The following AOX1 variants were observed in gnomAD, a reference collection of about 807,000 sequenced individuals.
AOX1 encodes aldehyde oxidase 1.
A neutral mutation model predicts 169.5 loss-of-function variants in AOX1; 153 were observed. The ratio of observed to expected loss-of-function variants is 0.90; its 90% CI spans 0.79 to 1.03. The LOEUF is 1.03. Ranked by LOEUF, AOX1 falls within the 50% of genes least tolerant of loss-of-function variation. The probability of loss-of-function intolerance (pLI) is 0.00; values close to 1 mark genes in which losing one functional copy is unlikely to be tolerated. For missense variants in AOX1, 1,656 were observed against 1,663.9 expected (o/e 1.00, Z 0.08); for synonymous variants, 562 against 581.9 (o/e 0.97, Z 0.49).
At chr2:200,649,574 G>C (rs2035537795) in intron 25 of AOX1, among the ~76,000 whole-genome samples, 1 of 152,154 alleles carries the variant, frequency 6.6e-6, no homozygotes, top group Non-Finnish European at 1.5e-5. Context: ...TCCACAAGCT[G>C]CTCTGTCCAG....
chr2:200,634,270 C>CAAA (rs1219543872), intron 20 of AOX1, among the ~76,000 whole-genome samples: 1 of 138,388 alleles, frequency 7.2e-6, no homozygotes, highest in African/African-American at 2.7e-5. Flanking sequence ...ACAACAACAA[C>CAAA]AAAAAAACCC....
chr2:200,609,796 G>A (rs767016693), intron 12 of AOX1, among the ~76,000 whole-genome samples: 1 of 152,146 alleles, frequency 6.6e-6, no homozygotes, highest in Non-Finnish European at 1.5e-5. Context: ...CGTGCTTTGA[G>A]CTCACACTTA....
chr2:200,656,762 C>A, intron 26 of AOX1, 80 bp from the exon 27 acceptor site: 13 of 1,076,926 alleles, frequency 1.2e-5, no homozygotes, highest in Admixed American at 5.4e-5. Context: ...GGAAATATTT[C>A]CAAGGAAAAT....
rs1184802924 is a variant in AOX1, at chr2:200,670,624, T to C, written c.3967-5T>C. On this transcript the variant is annotated splice_region_variant and splice_polypyrimidine_tract_variant and intron_variant, in intron 34 of 34. Transcript: ENST00000374700. Reference sequence around the variant, plus strand: ...TTTGAACATCCAGATTTGTTTTTATTTTAGATTCCGAGAGATGAACCTGGA... The same window carrying C: ...TTTGAACATCCAGATTTGTTTTTATCTTAGATTCCGAGAGATGAACCTGGA... 1 of 1,611,288 alleles carries C rather than the reference T, an allele frequency of 6.2e-7. No homozygotes were observed.
downstream of AOX1, chr2:200,677,159 C>A: frequency 3.0e-6 from 1 of 330,968 alleles, no homozygotes; most frequent in Non-Finnish European, 5.9e-6. Context: ...GTGACTGTGA[C>A]AAACCTATAA....
chr2:200,619,355 A>G (rs961226481), intron 16 of AOX1, among the ~76,000 whole-genome samples: 2 of 152,278 alleles, frequency 1.3e-5, no homozygotes, highest in Middle Eastern at 3.4e-3. Flanking sequence ...CCTGGCCAAC[A>G]TGACTGCATG....
At chr2:200,607,224 C>G (rs182680398) in intron 10 of AOX1, among the ~76,000 whole-genome samples, 5 of 152,298 alleles carry the variant, frequency 3.3e-5, no homozygotes, top group African/African-American at 1.2e-4. Flanking sequence ...GCCTTTTCTG[C>G]ATCTATAGAG....
At position 200,611,308 on chromosome 2, in the gene AOX1, GAATT is replaced by G. The variant is rs1327023407; in HGVS notation, c.1154-74_1154-71del. 4 of 1,005,794 alleles carry G rather than the reference GAATT, an allele frequency of 4.0e-6. No individual in the cohort carries two copies. In the East Asian group the frequency reaches 9.5e-5, roughly 24 times the overall value. The allele number at this position is 1,005,794 out of a possible 1,614,324, so 62.3% of individuals were successfully genotyped here. A position where few individuals can be genotyped will look rare whatever the true frequency, so the allele number is the denominator to read the frequency against. ...AACCGGTTTCCTCAGGTATTTGGTA[GAATT>G]ACTTCCTAAGTTTTGGAAGTTTATT... On this transcript the variant is annotated intron_variant, in intron 12 of 34. Coordinates refer to ENST00000374700, the MANE Select transcript of AOX1 (RefSeq NM_001159.4).
intron 19 of AOX1, among the ~76,000 whole-genome samples, chr2:200,626,988 T>G (rs2035018823): frequency 6.6e-6 from 1 of 152,224 alleles, no homozygotes; most frequent in African/African-American, 2.4e-5. Context: ...CAATGCTGAC[T>G]GGGTCTAGAG....
rs947092611 is a variant in AOX1, at chr2:200,586,075, C to T, written c.-34C>T. 10 of 1,548,734 alleles carry T rather than the reference C, an allele frequency of 6.5e-6. No homozygotes were observed. Among genetic ancestry groups the T allele is most frequent in the Non-Finnish European group, 8.7e-6 (10 of 1,147,320 alleles). On this transcript the variant is annotated 5_prime_UTR_variant, in exon 1 of 35. Coordinates refer to ENST00000374700, the MANE Select transcript of AOX1 (RefSeq NM_001159.4). Reference sequence around the variant, plus strand: ...GCTACTTCCCAGAACCTCCGCCTCCCGCTCCGGGCCCTCGAACCAGCGCGG... The same window carrying T: ...GCTACTTCCCAGAACCTCCGCCTCCTGCTCCGGGCCCTCGAACCAGCGCGG...
intron 5 of AOX1, among the ~76,000 whole-genome samples, chr2:200,600,976 A>C (rs1030996892): frequency 1.3e-5 from 2 of 151,918 alleles, no homozygotes; most frequent in Non-Finnish European, 2.9e-5. Flanking sequence ...ATGATTTATT[A>C]TAAATAAATA....
intron 4 of AOX1, chr2:200,676,803 G>A: frequency 2.3e-6 from 1 of 431,202 alleles, no homozygotes; most frequent in South Asian, 1.8e-5. Context: ...ACAGGAGCTG[G>A]TTGGAGGAAC....
At chr2:200,625,854 C>T (rs2034989242) in intron 19 of AOX1, among the ~76,000 whole-genome samples, 1 of 151,976 alleles carries the variant, frequency 6.6e-6, no homozygotes, top group Non-Finnish European at 1.5e-5. Context: ...CAAAATAGAA[C>T]AAAAACAAAT....
At chr2:200,647,894 G>A (rs959576368) in intron 25 of AOX1, among the ~76,000 whole-genome samples, 2 of 151,918 alleles carry the variant, frequency 1.3e-5, no homozygotes, top group Admixed American at 6.6e-5. Context: ...ACTTTCCAGA[G>A]CATTTTGCAT....
chr2:200,612,466 C>A, intron 13 of AOX1, 143 bp from the exon 14 acceptor site: 1 of 692,212 alleles, frequency 1.4e-6, no homozygotes, highest in Non-Finnish European at 2.5e-6. Flanking sequence ...TGATGCTCAA[C>A]ACACACACAC....
chr2:200,603,975 A>C, intron 7 of AOX1, 42 bp from the exon 8 acceptor site: 1 of 1,320,210 alleles, frequency 7.6e-7, no homozygotes, highest in Non-Finnish European at 1.1e-6. Context: ...AGGATTTTAA[A>C]GTTGCTCGAT....
intron 22 of AOX1, among the ~76,000 whole-genome samples, chr2:200,637,585 A>G (rs1186708933): frequency 6.6e-6 from 1 of 152,186 alleles, no homozygotes; most frequent in Non-Finnish European, 1.5e-5. Context: ...ATACATACAC[A>G]TATATACATA....
At chr2:200,597,608 C>T (rs17448436) in intron 4 of AOX1, 103 bp downstream of exon 4, 17,744 of 661,364 alleles carry the variant, frequency 0.027, 314 homozygotes, top group Non-Finnish European at 0.036. Flanking sequence ...CCTGCTGGCT[C>T]GGCCACTCCA....
At chr2:200,648,412 G>T (rs1484568990) in intron 25 of AOX1, among the ~76,000 whole-genome samples, 3 of 152,188 alleles carry the variant, frequency 2.0e-5, no homozygotes, top group Non-Finnish European at 4.4e-5. Flanking sequence ...GGTACTGAGG[G>T]TTGTCTGCAC....
Sources: gnomAD v4.1 joint callset for allele counts (sites outside exome capture counted in the v4.1 genomes callset) on GRCh38, gnomAD v4.1.1 for gene constraint, MANE v1.5 for transcripts, NCBI Gene and HGNC (gene_info 2026-07-23, HGNC 2026-07-21) for gene names.